Variants in C12orf42 observed in about 807,000 individuals in gnomAD.
C12orf42 encodes the protein uncharacterized protein C12orf42.
Under a neutral mutation model 21.6 loss-of-function variants are expected in C12orf42, and 25 were observed. The ratio of observed to expected loss-of-function variants is 1.16; its 90% CI spans 0.84 to 1.62. The LOEUF is 1.62. Ranked by LOEUF, C12orf42 falls within the 40% of genes most tolerant of loss-of-function variation. The pLI is 0.00. For synonymous variants in C12orf42, 174 were observed against 175.0 expected, an observed-to-expected ratio of 0.99 and a Z score of 0.05; for missense variants, 483 against 459.3, an observed-to-expected ratio of 1.05 and a Z score of -0.47.
rs537851751 is a variant in C12orf42 at position 103,261,430 on chromosome 12, C to T, written c.*1366+1896G>A. 2.0e-3 allele frequency among the ~76,000 whole-genome samples: 299 copies of T among 147,746 alleles called. 1 individual carries two copies. Among genetic ancestry groups the T allele is most frequent in the Non-Finnish European group, 8.0e-4 (54 of 67,542 alleles). On this transcript the variant is annotated intron_variant and NMD_transcript_variant, in intron 10 of 10. Transcript: ENST00000547347. ...CAGGGAGGTGAAAGTTGCAGTGAGC[C>T]GAGATCGTGCCACTGCACACCAGCT...
chr12:103,402,967 G>A (rs920889825), intron 2 of C12orf42, among the ~76,000 whole-genome samples: 4 of 152,172 alleles, frequency 2.6e-5, no homozygotes, highest in African/African-American at 9.7e-5. Context: ...GACAGGTGGG[G>A]CACATGGGAC....
chr12:103,062,725 TTTG>T, the C12orf42 span, among the ~76,000 whole-genome samples: 1 of 152,242 alleles, frequency 6.6e-6, no homozygotes, highest in African/African-American at 2.4e-5. Context: ...TGTATTTTTC[TTTG>T]TTGTTAATCC....
Position 103,421,942 on chromosome 12 carries a change from A to G in C12orf42, c.79-20267T>C, listed in dbSNP as rs12301030. Among the ~76,000 whole-genome samples the G allele has an allele frequency of 6.7e-3, 1,023 of 152,312 alleles. 8 individuals carry two copies. Among genetic ancestry groups the G allele is most frequent in the African/African-American group, 0.022 (929 of 41,570 alleles). On this transcript the variant is annotated intron_variant, in intron 2 of 5. Transcript: ENST00000548883. Reference sequence around the variant, plus strand: ...TCCAAATAATAATAATAAGAATAAGATGGTCAGAAATTATATTATTTGTTT... The same window carrying G: ...TCCAAATAATAATAATAAGAATAAGGTGGTCAGAAATTATATTATTTGTTT...
At chr12:103,304,908 C>T (rs2136508280) in intron 5 of C12orf42, among the ~76,000 whole-genome samples, 1 of 152,288 alleles carries the variant, frequency 6.6e-6, no homozygotes, top group South Asian at 2.1e-4. Flanking sequence ...TGTATTGAGT[C>T]AAAATCTATC....
chr12:103,537,375 A>G, the C12orf42 span, among the ~76,000 whole-genome samples: 1 of 152,118 alleles, frequency 6.6e-6, no homozygotes. Context: ...TAGCTATCAT[A>G]TTCCATGGAA....
the C12orf42 span, among the ~76,000 whole-genome samples, chr12:103,147,362 G>A: frequency 1.3e-5 from 2 of 152,054 alleles, no homozygotes; most frequent in Non-Finnish European, 2.9e-5. Context: ...ATGAAGAAAG[G>A]TACTTTGTAA....
At chr12:103,389,221 G>T (rs968196590) in intron 3 of C12orf42, among the ~76,000 whole-genome samples, 2 of 152,116 alleles carry the variant, frequency 1.3e-5, no homozygotes, top group African/African-American at 4.8e-5. Context: ...TGGGGGTGGG[G>T]GATTTAAGCA....
At chr12:103,126,049 T>C in the C12orf42 span, among the ~76,000 whole-genome samples, 1 of 152,222 alleles carries the variant, frequency 6.6e-6, no homozygotes, top group Non-Finnish European at 1.5e-5. Flanking sequence ...TGGAAACTGC[T>C]GGTATTCCTG....
chr12:103,367,301 A>G (rs1470301006), intron 4 of C12orf42, among the ~76,000 whole-genome samples: 1 of 151,960 alleles, frequency 6.6e-6, no homozygotes, highest in Admixed American at 6.6e-5. Flanking sequence ...GGGAAATAGT[A>G]GGAAGTGGAT....
the C12orf42 span, among the ~76,000 whole-genome samples, chr12:103,184,987 C>A: frequency 6.6e-6 from 1 of 152,142 alleles, no homozygotes; most frequent in Admixed American, 6.5e-5. Flanking sequence ...CCACTAACAC[C>A]TTGATCTTAG....
chr12:103,410,217 G>A (rs1205142991), intron 2 of C12orf42, among the ~76,000 whole-genome samples: 1 of 152,076 alleles, frequency 6.6e-6, no homozygotes, highest in African/African-American at 2.4e-5. Flanking sequence ...CCACTTCCAG[G>A]GAGACAATAT....
chr12:103,516,038 T>A, the C12orf42 span, among the ~76,000 whole-genome samples: 1 of 152,208 alleles, frequency 6.6e-6, no homozygotes. Flanking sequence ...TACTTGGAAG[T>A]TTGGTTTAAC....
At chr12:103,177,554 G>T in the C12orf42 span, among the ~76,000 whole-genome samples, 10 of 152,172 alleles carry the variant, frequency 6.6e-5, no homozygotes, top group Non-Finnish European at 1.0e-4. Context: ...ATGGGGGAAA[G>T]AAATCATTGT....
the C12orf42 span, among the ~76,000 whole-genome samples, chr12:103,510,697 AC>A: frequency 6.6e-6 from 1 of 152,176 alleles, no homozygotes; most frequent in Non-Finnish European, 1.5e-5. Context: ...TCACATTATC[AC>A]ACTGGGCTCT....
At chr12:103,270,214 G>C (rs916925575) in intron 5 of C12orf42, 1 of 152,086 alleles carries the variant, frequency 6.6e-6, no homozygotes, top group Non-Finnish European at 1.5e-5. Context: ...AGAAAAGGAG[G>C]GGGGTAAGGC....
intron 4 of C12orf42, among the ~76,000 whole-genome samples, chr12:103,307,355 G>C (rs1040084121): frequency 6.6e-6 from 1 of 152,134 alleles, no homozygotes; most frequent in African/African-American, 2.4e-5. Flanking sequence ...AGAGCACAGA[G>C]AGAAAAGAGC....
At chr12:103,278,723 C>A (rs2035926783) in intron 4 of C12orf42, among the ~76,000 whole-genome samples, 2 of 152,214 alleles carry the variant, frequency 1.3e-5, no homozygotes, top group Non-Finnish European at 2.9e-5. Flanking sequence ...TTCACTGGGG[C>A]TCTAAGTGGG....
chr12:103,554,800 C>T, the C12orf42 span, among the ~76,000 whole-genome samples: 1 of 152,148 alleles, frequency 6.6e-6, no homozygotes, highest in African/African-American at 2.4e-5. Flanking sequence ...TAGGGGGATG[C>T]TACTAAACTG....
chr12:103,086,851 G>T, the C12orf42 span, among the ~76,000 whole-genome samples: 1 of 151,982 alleles, frequency 6.6e-6, no homozygotes, highest in African/African-American at 2.4e-5. Flanking sequence ...CAGCAGAATT[G>T]GAAGCAGGGA....
Sources: gnomAD v4.1 joint callset for allele counts (sites outside exome capture counted in the v4.1 genomes callset) on GRCh38, gnomAD v4.1.1 for gene constraint, MANE v1.5 for transcripts, NCBI Gene and HGNC (gene_info 2026-07-23, HGNC 2026-07-21) for gene names.